The following ARID1B variants were observed in gnomAD, a reference collection of about 807,000 sequenced individuals.
ARID1B encodes AT-rich interactive domain-containing protein 1B.
A neutral mutation model predicts 212.3 loss-of-function variants in ARID1B; 30 were observed. The observed-to-expected ratio is 0.14, with a 90% CI of 0.11 to 0.19. ARID1B has a LOEUF of 0.19. Among genes scored for constraint, ARID1B ranks in the 10% least tolerant of loss-of-function variants. The probability of loss-of-function intolerance (pLI) is 1.00; values close to 1 mark genes in which losing one functional copy is unlikely to be tolerated. For synonymous variants in ARID1B, 1,402 were observed against 1,301.7 expected (o/e 1.08, Z -1.66); for missense variants, 2,891 against 3,204.0 (o/e 0.90, Z 2.36).
intron 2 of ARID1B, among the ~76,000 whole-genome samples, chr6:156,898,915 G>A (rs62434274): frequency 0.05 from 7,661 of 152,252 alleles, 236 homozygotes; most frequent in Middle Eastern, 0.12. Flanking sequence ...AGGTTGTGGC[G>A]AGCCAAGATC....
chr6:156,992,593 C>A (rs745837437), intron 4 of ARID1B, among the ~76,000 whole-genome samples: 6 of 152,130 alleles, frequency 3.9e-5, no homozygotes, highest in Non-Finnish European at 5.9e-5. Flanking sequence ...GCACCAGGGC[C>A]GTAGGTTTTG....
intron 5 of ARID1B, among the ~76,000 whole-genome samples, chr6:157,100,192 A>G (rs1396473298): frequency 6.6e-6 from 1 of 152,290 alleles, no homozygotes; most frequent in East Asian, 1.9e-4. Flanking sequence ...CTGAGATAGG[A>G]TTTATTCACA....
chr6:157,136,535 A>T (rs1022845318), intron 7 of ARID1B, among the ~76,000 whole-genome samples: 11 of 152,226 alleles, frequency 7.2e-5, no homozygotes, highest in Non-Finnish European at 1.3e-4. Context: ...ACTTGCCTTT[A>T]AGGAGCAAGA....
chr6:157,200,602 T>G lies in ARID1B; in HGVS notation c.4480-103T>G. On this transcript the variant is annotated intron_variant, in intron 17 of 19. Coordinates refer to ENST00000636930, the MANE Select transcript of ARID1B (RefSeq NM_001374828.1). This position sits in a 1 kb window ranked among gnomAD's most constrained non-coding sequence, Gnocchi z 4.3. ...TTATAGGAGCTTCCCATATTCATTTTGAAATGAACATTCTAGCAGGTAATA... is the reference window on the plus strand; with the variant it reads ...TTATAGGAGCTTCCCATATTCATTTGGAAATGAACATTCTAGCAGGTAATA... The G allele has an allele frequency of 1.5e-6, 2 of 1,337,976 alleles. No homozygotes were observed. The highest frequency in any genetic ancestry group is 2.0e-6 in the Non-Finnish European group (2 of 988,292). The allele number at this position is 1,337,976 out of a possible 1,614,324, so 82.9% of individuals were successfully genotyped here.
chr6:156,901,303 A>G, intron 2 of ARID1B, 73 bp from the exon 3 acceptor site: 1 of 1,575,708 alleles, frequency 6.3e-7, no homozygotes. Context: ...ATGTTGCTGA[A>G]TTGAAACCAT....
At chr6:156,782,601 T>G (rs1363296645) in intron 1 of ARID1B, among the ~76,000 whole-genome samples, 2 of 152,158 alleles carry the variant, frequency 1.3e-5, no homozygotes, top group Admixed American at 1.3e-4. Flanking sequence ...AGAAAAGTGA[T>G]TAGCTAGCAT....
rs541676759 is a variant in ARID1B at position 156,808,378 on chromosome 6, C to T, written c.1792-20849C>T. Among the ~76,000 whole-genome samples, 11 of 152,264 alleles carry T rather than the reference C, an allele frequency of 7.2e-5. No homozygotes were observed. The East Asian group carries it at 2.1e-3, about 29-fold the overall frequency. ...AATAGGTATTCTAGTCAAATGTAGG[C>T]TATGACTTTGTAAATAATCTCTCTT... On this transcript the variant is annotated intron_variant, in intron 1 of 19. Transcript: ENST00000636930.
intron 4 of ARID1B, among the ~76,000 whole-genome samples, chr6:157,020,459 A>C (rs1273563595): frequency 1.3e-5 from 2 of 152,176 alleles, no homozygotes; most frequent in African/African-American, 4.8e-5. Flanking sequence ...TTTAATATGA[A>C]ATTAATTTTT....
At chr6:157,184,513 C>T (rs1792824747) in intron 13 of ARID1B, 78 bp downstream of exon 13, 1 of 1,534,738 alleles carries the variant, frequency 6.5e-7, no homozygotes, top group South Asian at 1.1e-5. Context: ...GGTGGTTTCA[C>T]AGTCAGGCCA....
intron 3 of ARID1B, among the ~76,000 whole-genome samples, chr6:156,930,806 A>T (rs76136252): frequency 0.017 from 2,642 of 152,352 alleles, 36 homozygotes; most frequent in Middle Eastern, 0.061. Flanking sequence ...TTTACAGAAA[A>T]TATGCTCTAG....
At chr6:156,806,070 G>T (rs1163581118) in intron 1 of ARID1B, among the ~76,000 whole-genome samples, 1 of 152,016 alleles carries the variant, frequency 6.6e-6, no homozygotes, top group African/African-American at 2.4e-5. Flanking sequence ...CTTTTTCTGT[G>T]TCACATTCAC....
chr6:156,811,110 C>T (rs1030184858), intron 1 of ARID1B, among the ~76,000 whole-genome samples: 1 of 152,148 alleles, frequency 6.6e-6, no homozygotes, highest in Non-Finnish European at 1.5e-5. Flanking sequence ...TTCAATGCCA[C>T]CAGCAGAGAG....
chr6:156,817,450 A>G (rs899602925), intron 1 of ARID1B, among the ~76,000 whole-genome samples: 4 of 152,140 alleles, frequency 2.6e-5, no homozygotes, highest in Non-Finnish European at 4.4e-5. Context: ...AGTCTAGGCA[A>G]CATAGCAAGA....
intron 4 of ARID1B, chr6:157,036,876 G>C (rs927897033): frequency 1.2e-5 from 6 of 500,302 alleles, no homozygotes; most frequent in South Asian, 9.2e-5. Context: ...TTGGACTCAA[G>C]GTGTGTAGTC....
Position 156,883,044 on chromosome 6 carries a change from G to A in ARID1B, c.1987-18332G>A, listed in dbSNP as rs192799407. ...TTCTAAGGGTAGAGCCTGAATTAACGCAACTGCCTTAGGTTTCTTCTGGCC... is the reference window on the plus strand; with the variant it reads ...TTCTAAGGGTAGAGCCTGAATTAACACAACTGCCTTAGGTTTCTTCTGGCC... On this transcript the variant is annotated intron_variant, in intron 2 of 19. Transcript: ENST00000636930. 3.7e-3 allele frequency among the ~76,000 whole-genome samples: 559 copies of A among 152,280 alleles called. 4 individuals are homozygous for A. Among genetic ancestry groups the A allele is most frequent in the African/African-American group, 0.013 (527 of 41,546 alleles).
At chr6:157,167,305 C>A in intron 9 of ARID1B, 120 bp downstream of exon 9, 1 of 1,248,198 alleles carries the variant, frequency 8.0e-7, no homozygotes, top group Non-Finnish European at 1.1e-6. Flanking sequence ...AAGTGGGAAT[C>A]ATACTACTTT....
intron 4 of ARID1B, among the ~76,000 whole-genome samples, chr6:157,077,228 A>G (rs1365484899): frequency 6.6e-6 from 1 of 152,220 alleles, no homozygotes; most frequent in African/African-American, 2.4e-5. Context: ...TTTAAAAAGC[A>G]CTTTACAGAT....
At chr6:156,795,911 T>G (rs370081303) in intron 1 of ARID1B, among the ~76,000 whole-genome samples, 4 of 152,298 alleles carry the variant, frequency 2.6e-5, no homozygotes, top group African/African-American at 9.6e-5. Context: ...TAACCTTGTC[T>G]TAGACAAGGG....
chr6:156,778,855 G>GCGT lies in ARID1B; in HGVS notation c.1177_1178insTCG (p.Gly392_Gly393insVal). ...TACAGCCGGCCCGGCGCGGGCGGCG[G>GCGT]CGGCGGCGGCGGCGGCGGAGGAGGA... On this transcript the variant is annotated inframe_insertion, in exon 1 of 20. Coordinates refer to ENST00000636930, the MANE Select transcript of ARID1B (RefSeq NM_001374828.1). 1.4e-6 allele frequency: 2 copies of GCGT among 1,398,254 alleles called. No homozygotes were observed. Among genetic ancestry groups the GCGT allele is most frequent in the Non-Finnish European group, 1.9e-6 (2 of 1,072,638 alleles). 86.6% of individuals were successfully genotyped at this position (1,398,254 alleles called of 1,614,324 possible).
Sources: allele counts gnomAD v4.1 joint callset (sites outside exome capture counted in the v4.1 genomes callset), GRCh38; gene constraint gnomAD v4.1.1; non-coding constraint Gnocchi (gnomAD v3.1); transcripts MANE v1.5; gene names NCBI Gene and HGNC (gene_info 2026-07-23, HGNC 2026-07-21).